ARMC9: variants seen among roughly 807,000 people sequenced by gnomAD.
ARMC9 encodes lisH domain-containing protein ARMC9.
Under a neutral mutation model 107.0 loss-of-function variants are expected in ARMC9, and 94 were observed. The ratio of observed to expected loss-of-function variants is 0.88; its 90% confidence interval spans 0.74 to 1.04. The LOEUF (loss-of-function observed/expected upper bound fraction) is 1.04. ARMC9 is among the 50% of genes least tolerant of loss of function. The probability of loss-of-function intolerance (pLI) is 0.00; values close to 1 mark genes in which losing one functional copy is unlikely to be tolerated. For missense variants in ARMC9, 942 were observed against 1,030.1 expected (o/e 0.91, Z 1.17); for synonymous variants, 380 against 396.9 (o/e 0.96, Z 0.51).
At chr2:231,247,621 G>C (rs564851481) in intron 9 of ARMC9, among the ~76,000 whole-genome samples, 1 of 152,302 alleles carries the variant, frequency 6.6e-6, no homozygotes, top group African/African-American at 2.4e-5. Context: ...AGACCAACCT[G>C]GTGATGAGAG....
rs192821112 is a variant in ARMC9, at chr2:231,357,481, A to G, written c.2131+1547A>G. On this transcript the variant is annotated intron_variant, in intron 22 of 24. Coordinates refer to ENST00000611582, the MANE Select transcript of ARMC9 (RefSeq NM_001352754.2). Reference sequence around the variant, plus strand: ...GCAGCCCTGCCCTTCTCCACCTGCCAGAGACCAGGAATAGTCACTGCCCTC... The same window carrying G: ...GCAGCCCTGCCCTTCTCCACCTGCCGGAGACCAGGAATAGTCACTGCCCTC... Among the ~76,000 whole-genome samples the G allele has an allele frequency of 4.2e-3, 646 of 152,304 alleles. 4 individuals are homozygous for G. Among genetic ancestry groups the G allele is most frequent in the African/African-American group, 0.015 (611 of 41,560 alleles).
chr2:231,370,689 AC>A (rs1235054718), intron 24 of ARMC9: 2 of 168,202 alleles, frequency 1.2e-5, no homozygotes, highest in Non-Finnish European at 2.5e-5. Flanking sequence ...CCTCTCTCTC[AC>A]CCTCTCACCT....
chr2:231,214,407 G>T (rs528027632), intron 3 of ARMC9, among the ~76,000 whole-genome samples: 2 of 152,354 alleles, frequency 1.3e-5, no homozygotes, highest in African/African-American at 4.8e-5. Context: ...GAGCCATGCT[G>T]TCAGCAACCT....
intron 5 of ARMC9, among the ~76,000 whole-genome samples, chr2:231,221,909 G>A (rs1357408093): frequency 6.2e-5 from 9 of 145,876 alleles, no homozygotes; most frequent in African/African-American, 1.8e-4. Flanking sequence ...TGGCTAGAAT[G>A]ATTGGGTGGG....
chr2:231,310,403 AGT>A (rs1400274418), intron 19 of ARMC9, among the ~76,000 whole-genome samples: 1 of 136,284 alleles, frequency 7.3e-6, no homozygotes, highest in Non-Finnish European at 1.6e-5. Context: ...GGGCAACAAG[AGT>A]GAAACTCCAT....
intron 14 of ARMC9, among the ~76,000 whole-genome samples, chr2:231,275,004 TTAAG>T (rs10544278): frequency 0.23 from 34,741 of 152,026 alleles, 4,024 homozygotes; most frequent in Non-Finnish European, 0.24. Context: ...ATAACTATAG[TTAAG>T]TAACAGATAC....
At chr2:231,199,900 G>T in intron 1 of ARMC9, among the ~76,000 whole-genome samples, 1 of 152,054 alleles carries the variant, frequency 6.6e-6, no homozygotes, top group Middle Eastern at 3.2e-3. Context: ...GTTCCACCAT[G>T]TTGATCAGGC....
intron 14 of ARMC9, among the ~76,000 whole-genome samples, chr2:231,275,085 C>G (rs1232998640): frequency 1.3e-5 from 2 of 152,174 alleles, no homozygotes; most frequent in East Asian, 3.8e-4. Context: ...ATCTTTTCCT[C>G]TAAGTGTTAA....
rs139637493 is a variant in ARMC9 at position 231,328,670 on chromosome 2, C to T, written c.1774-3123C>T. 3.8e-3 allele frequency among the ~76,000 whole-genome samples: 571 copies of T among 151,924 alleles called. 1 individual carries two copies. Among genetic ancestry groups the T allele is most frequent in the Middle Eastern group, 0.014 (4 of 294 alleles). ...TAGGTCCATTTTGGAGTTCTCTGTT[C>T]CATTCCATTGATCTATGTGTCTGTC... On this transcript the variant is annotated intron_variant, in intron 19 of 24. Coordinates refer to ENST00000611582, the MANE Select transcript of ARMC9 (RefSeq NM_001352754.2).
intron 9 of ARMC9, among the ~76,000 whole-genome samples, chr2:231,250,423 C>T (rs1410869286): frequency 6.6e-6 from 1 of 152,152 alleles, no homozygotes; most frequent in Non-Finnish European, 1.5e-5. Flanking sequence ...CCACATATCC[C>T]CTATGGGCAA....
chr2:231,292,860 C>T (rs2041111177), intron 18 of ARMC9, among the ~76,000 whole-genome samples: 2 of 152,362 alleles, frequency 1.3e-5, no homozygotes, highest in African/African-American at 2.4e-5. Flanking sequence ...TCAGGGTTCA[C>T]AGTCTGGCTG....
chr2:231,246,377 C>G (rs1200366370), intron 9 of ARMC9, among the ~76,000 whole-genome samples: 1 of 152,132 alleles, frequency 6.6e-6, no homozygotes, highest in Non-Finnish European at 1.5e-5. Flanking sequence ...GCCAATAGTT[C>G]CCAGTATCTG....
intron 23 of ARMC9, among the ~76,000 whole-genome samples, chr2:231,364,738 C>T (rs180822300): frequency 4.1e-4 from 62 of 151,738 alleles, no homozygotes; most frequent in African/African-American, 1.4e-3. Context: ...GTGGAGGTTG[C>T]AGTGAGCCGA....
intron 17 of ARMC9, among the ~76,000 whole-genome samples, chr2:231,290,056 A>G (rs1171135095): frequency 6.6e-6 from 1 of 152,196 alleles, no homozygotes; most frequent in Non-Finnish European, 1.5e-5. Flanking sequence ...CAGGCCTTAC[A>G]TGGGGGAGTT....
At chr2:231,336,044 A>G (rs905200573) in intron 20 of ARMC9, among the ~76,000 whole-genome samples, 3 of 152,176 alleles carry the variant, frequency 2.0e-5, no homozygotes, top group Admixed American at 2.0e-4. Flanking sequence ...GCACCACTAC[A>G]TTCCAGCCTT....
At chr2:231,310,687 C>T (rs1403102710) in intron 19 of ARMC9, among the ~76,000 whole-genome samples, 2 of 151,198 alleles carry the variant, frequency 1.3e-5, no homozygotes, top group South Asian at 4.2e-4. Flanking sequence ...TGCAGTGAGC[C>T]GAGATTGTGC....
chr2:231,235,723 A>G (rs186359978), intron 8 of ARMC9, among the ~76,000 whole-genome samples: 1 of 151,804 alleles, frequency 6.6e-6, no homozygotes, highest in African/African-American at 2.4e-5. Flanking sequence ...GCTCACTGCA[A>G]CCTCCGCCTC....
At chr2:231,363,622 C>T (rs948085288) in intron 23 of ARMC9, among the ~76,000 whole-genome samples, 1 of 152,170 alleles carries the variant, frequency 6.6e-6, no homozygotes, top group African/African-American at 2.4e-5. Context: ...CGCAGTGGCT[C>T]ACGCCTGTAA....
chr2:231,243,469 G>GTACA (rs776050673), intron 9 of ARMC9, among the ~76,000 whole-genome samples: 3 of 152,114 alleles, frequency 2.0e-5, no homozygotes, highest in Non-Finnish European at 4.4e-5. Flanking sequence ...AGGAGCAGGG[G>GTACA]TACAACACAG....
Sources: allele counts gnomAD v4.1 joint callset (sites outside exome capture counted in the v4.1 genomes callset), GRCh38; gene constraint gnomAD v4.1.1; transcripts MANE v1.5; gene names NCBI Gene and HGNC (gene_info 2026-07-23, HGNC 2026-07-21).